Variants in FABP12 observed in about 807,000 individuals in gnomAD.
FABP12 encodes the protein fatty acid-binding protein 12.
A neutral mutation model predicts 13.7 loss-of-function variants in FABP12; 19 were observed. That is an observed-to-expected ratio of 1.39 (90% CI 0.97 to 2.04). The LOEUF (loss-of-function observed/expected upper bound fraction) is 2.04. Among genes scored for constraint, FABP12 ranks in the 30% most tolerant of loss-of-function variants. The pLI, the probability that FABP12 is intolerant of heterozygous loss-of-function variation, is 0.00. For synonymous variants in FABP12, 61 were observed against 57.0 expected (o/e 1.07, Z -0.32); for missense variants, 182 against 164.2 (o/e 1.11, Z -0.59).
intron 1 of FABP12, among the ~76,000 whole-genome samples, chr8:81,578,726 C>T (rs574487305): frequency 9.7e-4 from 143 of 146,970 alleles, no homozygotes; most frequent in Admixed American, 2.5e-3. Context: ...CCTTGTGATC[C>T]GTCCACCTCG....
intron 1 of FABP12, among the ~76,000 whole-genome samples, chr8:81,546,723 C>G (rs1349331928): frequency 6.6e-6 from 1 of 152,080 alleles, no homozygotes; most frequent in South Asian, 2.1e-4. Context: ...TATATAGTAG[C>G]CCCACATACA....
At position 81,525,243 on chromosome 8, in the gene FABP12, C is replaced by T. The variant is rs530405309; in HGVS notation, c.349-123G>A. ...AAAATATTGAAAGAGAGGCCGGGCG[C>T]GGTGGCTCACACCTGTAATCCCAGC... On this transcript the variant is annotated intron_variant, in intron 4 of 4. Coordinates refer to ENST00000360464, the Ensembl canonical transcript of FABP12. 228 of 634,432 alleles carry T rather than the reference C, an allele frequency of 3.6e-4. 1 individual carries two copies. Among genetic ancestry groups the T allele is most frequent in the Non-Finnish European group, 5.4e-4 (203 of 375,090 alleles). 39.3% of individuals were successfully genotyped at this position (634,432 alleles called of 1,614,324 possible).
intron 1 of FABP12, among the ~76,000 whole-genome samples, chr8:81,560,830 C>G (rs1396578814): frequency 6.6e-6 from 1 of 152,184 alleles, no homozygotes; most frequent in Non-Finnish European, 1.5e-5. Context: ...CATTAAAGTC[C>G]ATGCTCTTAA....
At chr8:81,540,859 T>A (rs1809324358) in intron 1 of FABP12, among the ~76,000 whole-genome samples, 1 of 152,102 alleles carries the variant, frequency 6.6e-6, no homozygotes, top group Non-Finnish European at 1.5e-5. Flanking sequence ...AAACCAAAAA[T>A]TATTTCAACA....
intron 1 of FABP12, among the ~76,000 whole-genome samples, chr8:81,542,049 C>T (rs1470220320): frequency 1.3e-5 from 2 of 150,718 alleles, no homozygotes; most frequent in Non-Finnish European, 3.0e-5. Flanking sequence ...TAGGGCCAGA[C>T]TTTCTTTACT....
At position 81,576,368 on chromosome 8, in the gene FABP12, T is replaced by C. The variant is rs191374647; in HGVS notation, c.-185+13685A>G. 6.2e-4 allele frequency among the ~76,000 whole-genome samples: 95 copies of C among 152,296 alleles called. 1 individual carries two copies. The highest frequency in any genetic ancestry group is 6.8e-3 in the Middle Eastern group (2 of 294). On this transcript the variant is annotated intron_variant, in intron 1 of 5. Transcript: ENST00000692030. ...TATAATATTTTCACACAACTAAAAA[T>C]GCAAGTATGTATATAGTAAAAGGTC... is the stretch of plus-strand genomic sequence containing the variant.
At chr8:81,577,787 G>A (rs922457893) in intron 1 of FABP12, among the ~76,000 whole-genome samples, 1 of 152,028 alleles carries the variant, frequency 6.6e-6, no homozygotes, top group Non-Finnish European at 1.5e-5. Flanking sequence ...AATAAATGAG[G>A]TCTTTCAGGG....
In FABP12 at chr8:81,556,295, G is replaced by T. The variant is rs1809614635; in HGVS notation, c.-184-16552C>A. 1.3e-5 allele frequency among the ~76,000 whole-genome samples: 2 copies of T among 151,418 alleles called. 1 individual carries two copies. Among genetic ancestry groups the T allele is most frequent in the South Asian group, 4.2e-4 (2 of 4,786 alleles). On this transcript the variant is annotated intron_variant, in intron 1 of 5. Transcript: ENST00000692030. ...AGGCATGTTATTGAATGTGTAGATG[G>T]ACAAAGTTTAGGGTAAAAGTTAATG...
At chr8:81,557,338 A>C (rs553414777) in intron 1 of FABP12, among the ~76,000 whole-genome samples, 87 of 152,342 alleles carry the variant, frequency 5.7e-4, no homozygotes, top group Non-Finnish European at 1.1e-3. Flanking sequence ...TGTCTTCCAA[A>C]TATTTTAAGA....
chr8:81,570,995 C>A (rs566281647), intron 1 of FABP12, among the ~76,000 whole-genome samples: 1 of 152,210 alleles, frequency 6.6e-6, no homozygotes, highest in Non-Finnish European at 1.5e-5. Context: ...TCCATGGCAC[C>A]CAGGCTGCGA....
chr8:81,579,020 G>A (rs909427933), intron 1 of FABP12, among the ~76,000 whole-genome samples: 2 of 150,790 alleles, frequency 1.3e-5, no homozygotes, highest in Non-Finnish European at 3.0e-5. Flanking sequence ...AGTAGAGACG[G>A]GGTTTCACTG....
chr8:81,526,813 T>C (rs1014185742), intron 4 of FABP12, among the ~76,000 whole-genome samples: 1 of 152,186 alleles, frequency 6.6e-6, no homozygotes, highest in Admixed American at 6.5e-5. Context: ...TGCATGATAT[T>C]TTCATTCTCT....
At chr8:81,540,168 T>C (rs1360888326) in intron 1 of FABP12, among the ~76,000 whole-genome samples, 1 of 152,200 alleles carries the variant, frequency 6.6e-6, no homozygotes, top group African/African-American at 2.4e-5. Flanking sequence ...ACCAAAGAAC[T>C]TTTTAGAAAT....
chr8:81,534,364 A>T (rs925555081), upstream of FABP12, among the ~76,000 whole-genome samples: 3 of 152,196 alleles, frequency 2.0e-5, no homozygotes, highest in Admixed American at 6.5e-5. Context: ...TAAGCCAAAG[A>T]GTCCCACAAG....
At chr8:81,556,433 T>C (rs140937521) in intron 1 of FABP12, among the ~76,000 whole-genome samples, 53 of 152,288 alleles carry the variant, frequency 3.5e-4, no homozygotes, top group African/African-American at 1.0e-3. Context: ...GGCTTTTTCA[T>C]TGGGTTTGCT....
At chr8:81,579,691 A>T (rs988017296) in intron 1 of FABP12, among the ~76,000 whole-genome samples, 33 of 152,314 alleles carry the variant, frequency 2.2e-4, no homozygotes, top group African/African-American at 7.7e-4. Context: ...GTACATTTTG[A>T]CTGAATTATC....
chr8:81,545,032 T>C (rs1809413220), intron 1 of FABP12, among the ~76,000 whole-genome samples: 1 of 152,152 alleles, frequency 6.6e-6, no homozygotes, highest in Admixed American at 6.5e-5. Flanking sequence ...GTAACTCTTT[T>C]TCTTTTTGGG....
intron 1 of FABP12, among the ~76,000 whole-genome samples, chr8:81,584,516 G>C (rs534898190): frequency 3.3e-5 from 5 of 152,336 alleles, no homozygotes; most frequent in African/African-American, 1.2e-4. Context: ...CCAGTTTGAA[G>C]AGCTACTAGG....
chr8:81,567,204 G>A (rs1809839748), intron 1 of FABP12, among the ~76,000 whole-genome samples: 1 of 152,156 alleles, frequency 6.6e-6, no homozygotes, highest in Admixed American at 6.5e-5. Flanking sequence ...GAAGAATCAA[G>A]ATTGTTAAAA....
Sources: gnomAD v4.1 joint callset for allele counts (sites outside exome capture counted in the v4.1 genomes callset) on GRCh38, gnomAD v4.1.1 for gene constraint, MANE v1.5 for transcripts, NCBI Gene and HGNC (gene_info 2026-07-23, HGNC 2026-07-21) for gene names.